Variants in PECAM1 observed in about 807,000 individuals in gnomAD.
PECAM1 encodes the protein platelet endothelial cell adhesion molecule.
Under a neutral mutation model 13.8 loss-of-function variants are expected in PECAM1, and 8 were observed. The observed-to-expected ratio is 0.58, with a 90% confidence interval of 0.34 to 1.05. The LOEUF (loss-of-function observed/expected upper bound fraction) is 1.05, where lower values mean the gene tolerates loss of function less well. Ranked by LOEUF, PECAM1 falls within the 50% of genes least tolerant of loss-of-function variation. The probability of loss-of-function intolerance (pLI) is 0.03; values close to 1 mark genes in which losing one functional copy is unlikely to be tolerated. For synonymous variants in PECAM1, 136 were observed against 52.6 expected (o/e 2.58, Z -6.86); for missense variants, 304 against 141.2 (o/e 2.15, Z -5.84).
chr17:64,389,333 C>T (rs1480228516), intron 2 of PECAM1, among the ~76,000 whole-genome samples: 1 of 152,216 alleles, frequency 6.6e-6, no homozygotes, highest in African/African-American at 2.4e-5. Flanking sequence ...ACTGAGCCCC[C>T]TCATTCATGT....
intron 6 of PECAM1, among the ~76,000 whole-genome samples, chr17:64,362,098 T>C (rs1414635604): frequency 3.9e-5 from 6 of 152,242 alleles, no homozygotes; most frequent in African/African-American, 1.4e-4. Flanking sequence ...ACTGGAGTTC[T>C]ATAATCAACC....
chr17:64,351,232 A>G (rs1334967597), intron 11 of PECAM1, among the ~76,000 whole-genome samples: 3 of 152,154 alleles, frequency 2.0e-5, no homozygotes, highest in African/African-American at 7.2e-5. Flanking sequence ...CTGACACATT[A>G]CTTTTATTAC....
chr17:64,383,643 T>G (rs2036530879), intron 2 of PECAM1, among the ~76,000 whole-genome samples: 1 of 152,198 alleles, frequency 6.6e-6, no homozygotes. Context: ...GCACAACCCT[T>G]GCGTGAGCCT....
rs2034783282 is a variant in PECAM1, at chr17:64,319,584, T to G, written c.*4232A>C. 6.6e-6 allele frequency: 1 copy of G among 152,176 alleles called. No individual in the cohort carries two copies. Among genetic ancestry groups the G allele is most frequent in the Non-Finnish European group, 1.5e-5 (1 of 68,040 alleles). The allele number at this position is 152,176 out of a possible 1,614,324, so 9.4% of individuals were successfully genotyped here. On this transcript the variant is annotated 3_prime_UTR_variant, in exon 16 of 16. Coordinates refer to ENST00000563924, the MANE Select transcript of PECAM1 (RefSeq NM_000442.5). Reference sequence around the variant, plus strand: ...TCTGGGATTTACGTCTCATCTCCCCTGATTCTTCCCTTGCAGCAGGCTGTC... The same window carrying G: ...TCTGGGATTTACGTCTCATCTCCCCGGATTCTTCCCTTGCAGCAGGCTGTC...
chr17:64,337,143 G>C (rs1039948119), intron 14 of PECAM1, among the ~76,000 whole-genome samples: 2 of 152,168 alleles, frequency 1.3e-5, no homozygotes, highest in African/African-American at 4.8e-5. Context: ...ACAGCTGCAG[G>C]CAGCTGCAGG....
intron 8 of PECAM1, 81 bp downstream of exon 8, chr17:64,356,030 A>C (rs904150904): frequency 1.7e-5 from 8 of 472,238 alleles, no homozygotes; most frequent in Admixed American, 9.5e-5. Context: ...CTCCCCCCCA[A>C]CTCCCTCTTA....
chr17:64,347,229 T>A (rs1314883667), intron 13 of PECAM1, among the ~76,000 whole-genome samples: 1 of 151,912 alleles, frequency 6.6e-6, no homozygotes, highest in African/African-American at 2.4e-5. Flanking sequence ...ATTTTTAAAA[T>A]TATTGAGGCC....
chr17:64,365,357 T>C (rs1474790848), intron 5 of PECAM1, among the ~76,000 whole-genome samples: 1 of 152,264 alleles, frequency 6.6e-6, no homozygotes, highest in South Asian at 2.1e-4. Context: ...TCCATGGTCA[T>C]GGGTAGGAAG....
Position 64,323,302 on chromosome 17 carries a change from G to C in PECAM1, c.*514C>G, listed in dbSNP as rs1386571415. The C allele has an allele frequency of 1.4e-5, 14 of 1,005,536 alleles. No individual in the cohort carries two copies. The highest frequency in any genetic ancestry group is 1.5e-5 in the Non-Finnish European group (13 of 841,726). The allele number at this position is 1,005,536 out of a possible 1,614,324, so 62.3% of individuals were successfully genotyped here. A position where few individuals can be genotyped will look rare whatever the true frequency, so the allele number is the denominator to read the frequency against. On this transcript the variant is annotated 3_prime_UTR_variant, in exon 16 of 16. Coordinates refer to ENST00000563924, the MANE Select transcript of PECAM1 (RefSeq NM_000442.5). ...GAGGGCGAGGTCATAGAGGGGACAG[G>C]GGGAGGCTGTCTGGTCAGCACTGTG...
At chr17:64,341,455 T>C (rs2035428688) in intron 14 of PECAM1, among the ~76,000 whole-genome samples, 179 bp downstream of exon 14, 1 of 152,110 alleles carries the variant, frequency 6.6e-6, no homozygotes, top group Admixed American at 6.6e-5. Context: ...GAATAGTAAA[T>C]GTGACCCGAG....
chr17:64,334,535 G>A (rs2035216812), intron 14 of PECAM1, among the ~76,000 whole-genome samples: 1 of 151,718 alleles, frequency 6.6e-6, no homozygotes, highest in Admixed American at 6.6e-5. Context: ...TTGAGATGGA[G>A]TCTCACTCTG....
At chr17:64,346,142 G>T (rs2035563204) in intron 13 of PECAM1, among the ~76,000 whole-genome samples, 1 of 152,270 alleles carries the variant, frequency 6.6e-6, no homozygotes, top group East Asian at 1.9e-4. Context: ...GCAGCCTGGG[G>T]TTAGCCTCAG....
At position 64,341,690 on chromosome 17, in the gene PECAM1, T is replaced by C. The variant is rs901568854; in HGVS notation, c.2108A>G (p.Asp703Gly). Reference sequence around the variant, plus strand: ...TGTCTCTGTGTCCTTCTTTCCTAGATCTGGAAAAAGGACCAGGCATAAGTT... The same window carrying C: ...TGTCTCTGTGTCCTTCTTTCCTAGACCTGGAAAAAGGACCAGGCATAAGTT... The part of the protein sequence containing the change: ...VQVSSAESHK[D>G]LGKKDTETVY... Residue 703 changes from aspartate to glycine, a missense_variant and splice_region_variant, in exon 14 of 16, where the codon GAT (aspartate) becomes GGT (glycine). Physicochemically the swap from Asp to Gly is moderately conservative, Grantham distance 94. Transcript: ENST00000563924. 100 of 441,042 alleles carry C rather than the reference T, an allele frequency of 2.3e-4. No homozygotes were observed. Among genetic ancestry groups the C allele is most frequent in the African/African-American group, 1.8e-3 (88 of 49,862 alleles). 27.3% of individuals were successfully genotyped at this position (441,042 alleles called of 1,614,324 possible).
chr17:64,325,613 TGTA>T (rs1431781694), intron 15 of PECAM1, among the ~76,000 whole-genome samples: 1 of 152,136 alleles, frequency 6.6e-6, no homozygotes, highest in Non-Finnish European at 1.5e-5. Context: ...GGTGTGCACC[TGTA>T]GTCCCAGCTA....
rs1489766404 is a variant in PECAM1 at position 64,371,432 on chromosome 17, G to T, written c.692-1407C>A. 5.9e-5 allele frequency among the ~76,000 whole-genome samples: 9 copies of T among 152,318 alleles called. No individual in the cohort carries two copies. In the East Asian group the frequency reaches 1.7e-3, roughly 29 times the overall value. Reference sequence around the variant, plus strand: ...CACGCCTGCAACTCCAGCACTTTGGGAGGCTGAGGCAGGAGAACTGCCTGA... The same window carrying T: ...CACGCCTGCAACTCCAGCACTTTGGTAGGCTGAGGCAGGAGAACTGCCTGA... On this transcript the variant is annotated intron_variant, in intron 4 of 15. Transcript: ENST00000563924.
At chr17:64,358,361 C>T (rs2035895167) in intron 7 of PECAM1, among the ~76,000 whole-genome samples, 4 of 152,048 alleles carry the variant, frequency 2.6e-5, no homozygotes. Flanking sequence ...TCAAGTGATC[C>T]ACCCCATTCG....
rs1005862038 is a variant in PECAM1, at chr17:64,382,895, C to A, written c.92-4778G>T. 4.2e-3 allele frequency among the ~76,000 whole-genome samples: 631 copies of A among 152,012 alleles called. 1 individual carries two copies. The highest frequency in any genetic ancestry group is 0.015 in the African/African-American group (610 of 41,482). The stretch of plus-strand genomic sequence containing the variant: ...TCTCTATTAAAGATACAAAAACTAG[C>A]CAGGCGTGGTGGCAGTTGCCTGTAA... On this transcript the variant is annotated intron_variant, in intron 2 of 15. Transcript: ENST00000563924.
Position 64,328,851 on chromosome 17 carries a change from T to C in PECAM1, c.2187+849A>G, listed in dbSNP as rs547119081. 9.8e-5 allele frequency among the ~76,000 whole-genome samples: 15 copies of C among 152,294 alleles called. No homozygotes were observed. In the South Asian group the frequency reaches 2.9e-3, roughly 30 times the overall value. On this transcript the variant is annotated intron_variant, in intron 15 of 15. Transcript: ENST00000563924. ...TGGGTAGCTCACAAAAAGGTTGGGA[T>C]TGGAAGACACGTCTTTGCAAAAGTT...
At chr17:64,339,697 C>T (rs1187832931) in intron 14 of PECAM1, among the ~76,000 whole-genome samples, 3 of 152,050 alleles carry the variant, frequency 2.0e-5, no homozygotes, top group Admixed American at 2.0e-4. Flanking sequence ...TAAAAATTCC[C>T]CAGAGAATTG....
Sources: gnomAD v4.1 joint callset for allele counts (sites outside exome capture counted in the v4.1 genomes callset) on GRCh38, gnomAD v4.1.1 for gene constraint, MANE v1.5 for transcripts, NCBI Gene and HGNC (gene_info 2026-07-23, HGNC 2026-07-21) for gene names.